The following FMNL3 variants were observed in gnomAD, a reference collection of about 807,000 sequenced individuals.
FMNL3 encodes formin like 3, also known as formin-like protein 3.
Under a neutral mutation model 119.6 loss-of-function variants are expected in FMNL3, and 57 were observed. The ratio of observed to expected loss-of-function variants is 0.48; its 90% CI spans 0.39 to 0.59. The LOEUF is 0.59. Among genes scored for constraint, FMNL3 ranks in the 20% least tolerant of loss-of-function variants. The pLI, the probability that FMNL3 is intolerant of heterozygous loss-of-function variation, is 0.00. For synonymous variants in FMNL3, 491 were observed against 507.3 expected, an observed-to-expected ratio of 0.97 and a Z score of 0.43; for missense variants, 1,053 against 1,323.5, an observed-to-expected ratio of 0.80 and a Z score of 3.17.
intron 1 of FMNL3, among the ~76,000 whole-genome samples, chr12:49,671,695 G>A (rs1431519153): frequency 6.6e-6 from 1 of 152,184 alleles, no homozygotes; most frequent in African/African-American, 2.4e-5. Context: ...GAGTTCCGGG[G>A]ACAGCAAAGT....
At chr12:49,656,074 A>G (rs7973011) in intron 9 of FMNL3, among the ~76,000 whole-genome samples, 2,150 of 152,222 alleles carry the variant, frequency 0.014, 48 homozygotes, top group African/African-American at 0.048. Context: ...TCAGGCCTCC[A>G]GTGGGTCTGA....
Position 49,640,233 on chromosome 12 carries a change from T to C in FMNL3, c.*5582A>G, listed in dbSNP as rs1942431299. The C allele has an allele frequency of 6.6e-6, 1 of 152,204 alleles. No homozygotes were observed. Among genetic ancestry groups the C allele is most frequent in the African/African-American group, 2.4e-5 (1 of 41,430 alleles). 9.4% of individuals were successfully genotyped at this position (152,204 alleles called of 1,614,324 possible). ...CCGGGTCAGGGAGATCCATGGAGGA[T>C]GCTCATGAGAAATATATTCTCTTGA... On this transcript the variant is annotated 3_prime_UTR_variant, in exon 26 of 26. Transcript: ENST00000335154.
In FMNL3 at chr12:49,645,575, G is replaced by T. The variant is rs1943147613; in HGVS notation, c.*240C>A. ...TTTTCCTAGCCCTGAGCTGACCCTT[G>T]GTGACCCTTCAGGAAATGAAGTCAA... On this transcript the variant is annotated 3_prime_UTR_variant, in exon 26 of 26. Coordinates refer to ENST00000335154, the MANE Select transcript of FMNL3 (RefSeq NM_175736.5). 1 of 496,146 alleles carries T rather than the reference G, an allele frequency of 2.0e-6. No individual in the cohort carries two copies. The highest frequency in any genetic ancestry group is 3.5e-6 in the Non-Finnish European group (1 of 283,976). The allele number at this position is 496,146 out of a possible 1,614,324, so 30.7% of individuals were successfully genotyped here. A position where few individuals can be genotyped will look rare whatever the true frequency, so the allele number is the denominator to read the frequency against.
intron 5 of FMNL3, among the ~76,000 whole-genome samples, chr12:49,660,988 C>T (rs544020382): frequency 6.6e-6 from 1 of 152,122 alleles, no homozygotes; most frequent in Non-Finnish European, 1.5e-5. Flanking sequence ...AATGTCAGGG[C>T]TAAGTCCTAG....
chr12:49,646,731 C>A (rs762073879), intron 25 of FMNL3, 155 bp downstream of exon 25: 2 of 1,566,190 alleles, frequency 1.3e-6, no homozygotes, highest in Admixed American at 1.9e-5. Context: ...CAGTACGGGC[C>A]GTGAAAGGGA....
In FMNL3 at chr12:49,637,829, G is replaced by A. The variant is rs1001617506; in HGVS notation, c.*7986C>T. On this transcript the variant is annotated 3_prime_UTR_variant, in exon 26 of 26. Coordinates refer to ENST00000335154, the MANE Select transcript of FMNL3 (RefSeq NM_175736.5). ...ATCATTAAGGACATCCTTAAGGTGA[G>A]GGAGGCTGGGGTTATGGATGGATAC... The A allele has an allele frequency of 6.3e-7, 1 of 1,596,542 alleles. No individual in the cohort carries two copies. Among genetic ancestry groups the A allele is most frequent in the African/African-American group, 1.3e-5 (1 of 74,540 alleles).
intron 1 of FMNL3, among the ~76,000 whole-genome samples, chr12:49,678,403 A>C (rs1944250978): frequency 7.0e-6 from 1 of 143,112 alleles, no homozygotes; most frequent in African/African-American, 2.6e-5. Flanking sequence ...TGATCCACCT[A>C]CCTCAGCCTC....
In FMNL3 at chr12:49,662,006, C is replaced by T. The variant is rs752872736; in HGVS notation, c.412G>A (p.Val138Ile). 6 of 1,614,188 alleles carry T rather than the reference C, an allele frequency of 3.7e-6. No individual in the cohort carries two copies. Among genetic ancestry groups the T allele is most frequent in the Admixed American group, 3.3e-5 (2 of 60,026 alleles). ...GCAAAGGACAGGTAATCCACCAGTACATCCAGGCCTTTGTTTTCATCATTC... is the reference window on the plus strand; with the variant it reads ...GCAAAGGACAGGTAATCCACCAGTATATCCAGGCCTTTGTTTTCATCATTC... ...FLNDENKGLD[V>I]LVDYLSFAQC... The change falls in exon 5 of 26, where the codon GTA becomes ATA. Residue 138 changes from valine to isoleucine, a missense_variant. Val to Ile is a conservative substitution (Grantham distance 29). Transcript: ENST00000335154.
intron 25 of FMNL3, among the ~76,000 whole-genome samples, chr12:49,646,232 C>T (rs1170748791): frequency 1.3e-5 from 2 of 152,192 alleles, no homozygotes; most frequent in Non-Finnish European, 2.9e-5. Context: ...ACATCTGATA[C>T]CTCCTGGTCA....
chr12:49,705,298 C>G (rs544941502), intron 1 of FMNL3, among the ~76,000 whole-genome samples: 1 of 152,170 alleles, frequency 6.6e-6, no homozygotes. Context: ...GACCTGGGTT[C>G]TCCTGGTGCT....
chr12:49,701,027 C>T (rs1292120361), intron 1 of FMNL3, among the ~76,000 whole-genome samples: 2 of 146,738 alleles, frequency 1.4e-5, no homozygotes, highest in East Asian at 4.0e-4. Flanking sequence ...TGCAGTGAGC[C>T]GAGATCGGGC....
intron 1 of FMNL3, among the ~76,000 whole-genome samples, chr12:49,689,002 C>T (rs768968734): frequency 3.2e-4 from 48 of 152,178 alleles, no homozygotes; most frequent in Non-Finnish European, 6.0e-4. Context: ...CCTGTAATCT[C>T]AGCACTTTGG....
intron 7 of FMNL3, 58 bp from the exon 8 acceptor site, chr12:49,656,957 C>A: frequency 6.5e-7 from 1 of 1,545,410 alleles, no homozygotes; most frequent in South Asian, 1.1e-5. Flanking sequence ...GGAGCCCAGC[C>A]AATCTCCTTG....
At chr12:49,669,369 G>A (rs1255004599) in intron 1 of FMNL3, among the ~76,000 whole-genome samples, 1 of 152,156 alleles carries the variant, frequency 6.6e-6, no homozygotes, top group African/African-American at 2.4e-5. Flanking sequence ...CCACTGTTTG[G>A]TGACTGAATA....
intron 2 of FMNL3, 74 bp downstream of exon 2, chr12:49,668,397 T>C: frequency 2.1e-6 from 3 of 1,424,052 alleles, no homozygotes; most frequent in Non-Finnish European, 3.0e-6. Flanking sequence ...CTGCACTCAA[T>C]GCCTTTGGCC....
Position 49,657,037 on chromosome 12 carries a change from G to T in FMNL3, c.714+45C>A, listed in dbSNP as rs763443594. 3.8e-6 allele frequency: 6 copies of T among 1,584,564 alleles called. No individual in the cohort carries two copies. The African/African-American group carries it at 8.1e-5, about 21-fold the overall frequency. On this transcript the variant is annotated intron_variant, in intron 7 of 25. Transcript: ENST00000335154. ...TCCTAGCTCTCCTGGTTTTGCAGATGAGGCAGAAGAAGTAGAGCACCTATG... is the reference window on the plus strand; with the variant it reads ...TCCTAGCTCTCCTGGTTTTGCAGATTAGGCAGAAGAAGTAGAGCACCTATG...
In FMNL3 at chr12:49,643,800, G is replaced by A; in HGVS notation, c.*2015C>T. On this transcript the variant is annotated 3_prime_UTR_variant, in exon 26 of 26. Coordinates refer to ENST00000335154, the MANE Select transcript of FMNL3 (RefSeq NM_175736.5). ...AAGCCCCTGCTATTTTGTGAGTTCT[G>A]TTCTACCTGCCTCCCAGGCTATCCA... 6.2e-7 allele frequency: 1 copy of A among 1,613,888 alleles called. No individual in the cohort carries two copies. The highest frequency in any genetic ancestry group is 1.1e-5 in the South Asian group (1 of 91,076).
chr12:49,685,959 C>T (rs543095171), intron 1 of FMNL3, among the ~76,000 whole-genome samples: 35 of 151,968 alleles, frequency 2.3e-4, no homozygotes, highest in African/African-American at 6.3e-4. Flanking sequence ...CCCAGCTACT[C>T]GGGAGGCTGA....
chr12:49,686,302 C>G (rs1944456207), intron 1 of FMNL3, among the ~76,000 whole-genome samples: 1 of 150,318 alleles, frequency 6.7e-6, no homozygotes, highest in Non-Finnish European at 1.5e-5. Flanking sequence ...AGCATCCTGG[C>G]TGGACGTGGT....
Sources: gnomAD v4.1 joint callset for allele counts (sites outside exome capture counted in the v4.1 genomes callset) on GRCh38, gnomAD v4.1.1 for gene constraint, MANE v1.5 for transcripts, NCBI Gene and HGNC (gene_info 2026-07-23, HGNC 2026-07-21) for gene names.